ELAVL2: variants seen among roughly 807,000 people sequenced by gnomAD.
The protein encoded by ELAVL2 is ELAV-like protein 2.
A neutral mutation model predicts 34.6 loss-of-function variants in ELAVL2; 4 were observed. That is an observed-to-expected ratio of 0.12 (90% confidence interval 0.06 to 0.26). The LOEUF is 0.26. Among genes scored for constraint, ELAVL2 ranks in the 10% least tolerant of loss-of-function variants. The pLI is 1.00. For synonymous variants in ELAVL2, 193 were observed against 154.8 expected (o/e 1.25, Z -1.83); for missense variants, 432 against 442.8 (o/e 0.98, Z 0.22).
intron 1 of ELAVL2, among the ~76,000 whole-genome samples, chr9:23,780,452 G>C (rs1013464796): frequency 1.3e-5 from 2 of 152,056 alleles, no homozygotes; most frequent in Non-Finnish European, 2.9e-5. Flanking sequence ...TCAATTTGTT[G>C]AAAGTTTATA....
intron 5 of ELAVL2, among the ~76,000 whole-genome samples, chr9:23,696,303 T>G (rs918679574): frequency 6.6e-6 from 1 of 151,992 alleles, no homozygotes; most frequent in South Asian, 2.1e-4. Context: ...AGGCAACGGG[T>G]GCTCTACATG....
chr9:23,709,164 C>G (rs2040234706), intron 3 of ELAVL2, among the ~76,000 whole-genome samples: 1 of 152,166 alleles, frequency 6.6e-6, no homozygotes, highest in African/African-American at 2.4e-5. Flanking sequence ...AGGTCCTACC[C>G]CTATCCCTTT....
intron 1 of ELAVL2, among the ~76,000 whole-genome samples, chr9:23,794,732 A>T (rs534252117): frequency 6.6e-6 from 1 of 152,200 alleles, no homozygotes; most frequent in Admixed American, 6.5e-5. Flanking sequence ...AAACCAGTCT[A>T]ATCTTTTCAG....
At chr9:23,694,746 C>G (rs1047663245) in intron 5 of ELAVL2, among the ~76,000 whole-genome samples, 3 of 152,234 alleles carry the variant, frequency 2.0e-5, no homozygotes, top group Non-Finnish European at 2.9e-5. Flanking sequence ...TCCCTGCCCT[C>G]AGTCTCCACT....
intron 1 of ELAVL2, among the ~76,000 whole-genome samples, chr9:23,811,331 GA>G (rs3838731): frequency 0.028 from 3,810 of 138,276 alleles, 92 homozygotes; most frequent in Non-Finnish European, 0.035. Flanking sequence ...ACCTTTCAAG[GA>G]AAAAAAAAAA....
chr9:23,711,739 C>A (rs909266242), intron 3 of ELAVL2, among the ~76,000 whole-genome samples: 1 of 152,174 alleles, frequency 6.6e-6, no homozygotes, highest in Non-Finnish European at 1.5e-5. Context: ...ATGTACTTAT[C>A]TCTTAACCCT....
chr9:23,725,208 C>A (rs2044778609), intron 3 of ELAVL2, among the ~76,000 whole-genome samples: 2 of 152,150 alleles, frequency 1.3e-5, no homozygotes, highest in African/African-American at 4.8e-5. Context: ...CCCTCCGGTG[C>A]CCCTTCCTCA....
At chr9:23,693,547 G>C in intron 5 of ELAVL2, 61 bp from the exon 6 acceptor site, 2 of 1,599,338 alleles carry the variant, frequency 1.3e-6, no homozygotes, top group Non-Finnish European at 1.7e-6. Flanking sequence ...GTTCAAGAAA[G>C]TTGGGCTCAT....
At chr9:23,731,995 A>G (rs954018181) in intron 2 of ELAVL2, among the ~76,000 whole-genome samples, 25 of 152,168 alleles carry the variant, frequency 1.6e-4, no homozygotes, top group African/African-American at 5.8e-4. Flanking sequence ...ACTAAAGTCA[A>G]TCGCAATGGT....
chr9:23,849,397 T>C, the ELAVL2 span: 6 of 152,230 alleles, frequency 3.9e-5, no homozygotes, highest in African/African-American at 1.4e-4. Flanking sequence ...TGTCTAAGAA[T>C]GATGGCTTCA....
chr9:23,818,831 G>C (rs1453212403), intron 1 of ELAVL2, among the ~76,000 whole-genome samples: 35 of 152,206 alleles, frequency 2.3e-4, no homozygotes. Context: ...TTGATAAGAA[G>C]CTTAAGAAGC....
At chr9:23,722,971 C>T (rs2044120614) in intron 3 of ELAVL2, among the ~76,000 whole-genome samples, 1 of 152,232 alleles carries the variant, frequency 6.6e-6, no homozygotes, top group Non-Finnish European at 1.5e-5. Flanking sequence ...CACCACTTTT[C>T]CCAGGTGATA....
the ELAVL2 span, among the ~76,000 whole-genome samples, chr9:23,841,004 G>T: frequency 1.2e-4 from 18 of 152,210 alleles, no homozygotes; most frequent in Non-Finnish European, 2.5e-4. Flanking sequence ...ACAGAAACAC[G>T]TGCATTTTCC....
At chr9:23,836,653 G>A in the ELAVL2 span, among the ~76,000 whole-genome samples, 2 of 152,050 alleles carry the variant, frequency 1.3e-5, no homozygotes. Flanking sequence ...TTGGGTGTGT[G>A]TGCATGCATG....
chr9:23,807,011 G>GA (rs2062319138), intron 1 of ELAVL2, among the ~76,000 whole-genome samples: 1 of 152,092 alleles, frequency 6.6e-6, no homozygotes, highest in Non-Finnish European at 1.5e-5. Context: ...TAAAAGCTGT[G>GA]ATGAAATAAT....
intron 2 of ELAVL2, among the ~76,000 whole-genome samples, chr9:23,733,879 C>A (rs922704130): frequency 6.6e-6 from 1 of 152,090 alleles, no homozygotes; most frequent in Non-Finnish European, 1.5e-5. Context: ...GGGTCTTCCA[C>A]CTGATACCCT....
intron 1 of ELAVL2, among the ~76,000 whole-genome samples, chr9:23,822,463 A>T (rs776098153): frequency 6.6e-6 from 1 of 151,754 alleles, no homozygotes; most frequent in African/African-American, 2.4e-5. Context: ...TCGCCCCCCA[A>T]CTCAAGACCC....
chr9:23,699,748 C>A (rs1308165066), intron 5 of ELAVL2, among the ~76,000 whole-genome samples: 2 of 148,748 alleles, frequency 1.3e-5, no homozygotes, highest in African/African-American at 5.0e-5. Flanking sequence ...AAGCATCAGG[C>A]AGCCCCACGC....
intron 2 of ELAVL2, among the ~76,000 whole-genome samples, chr9:23,757,162 T>C (rs1054326422): frequency 6.6e-6 from 1 of 152,148 alleles, no homozygotes; most frequent in African/African-American, 2.4e-5. Context: ...CAGATGTTCT[T>C]GTTCATTTGG....
Sources: allele counts gnomAD v4.1 joint callset (sites outside exome capture counted in the v4.1 genomes callset), GRCh38; gene constraint gnomAD v4.1.1; transcripts MANE v1.5; gene names NCBI Gene and HGNC (gene_info 2026-07-23, HGNC 2026-07-21).